The following MLLT3 variants were observed in gnomAD, a reference collection of about 807,000 sequenced individuals.
MLLT3 encodes the protein MLLT3 super elongation complex subunit, also known as protein AF-9.
In MLLT3, 4 loss-of-function variants were observed where a neutral mutation model predicts 53.2. The ratio of observed to expected loss-of-function variants is 0.08; its 90% confidence interval spans 0.04 to 0.17. The LOEUF is 0.17. Among genes scored for constraint, MLLT3 ranks in the 10% least tolerant of loss-of-function variants. The probability of loss-of-function intolerance (pLI) is 1.00; values close to 1 mark genes in which losing one functional copy is unlikely to be tolerated. For missense variants in MLLT3, 569 were observed against 684.0 expected, an observed-to-expected ratio of 0.83 and a Z score of 1.87; for synonymous variants, 283 against 230.6, an observed-to-expected ratio of 1.23 and a Z score of -2.06.
intron 5 of MLLT3, among the ~76,000 whole-genome samples, chr9:20,408,181 G>C (rs908825190): frequency 6.6e-6 from 1 of 151,986 alleles, no homozygotes; most frequent in Admixed American, 6.5e-5. Flanking sequence ...TGCTACCCAA[G>C]GGCTTCTAAG....
At chr9:20,552,739 CTTAGAT>C (rs1238012516) in intron 2 of MLLT3, among the ~76,000 whole-genome samples, 1 of 152,030 alleles carries the variant, frequency 6.6e-6, no homozygotes, top group Non-Finnish European at 1.5e-5. Flanking sequence ...CCAAATAAAC[CTTAGAT>C]TTACTTAGGA....
intron 10 of MLLT3, among the ~76,000 whole-genome samples, chr9:20,350,456 G>T (rs914483663): frequency 2.0e-5 from 3 of 151,526 alleles, no homozygotes; most frequent in African/African-American, 4.9e-5. Context: ...TTAGCCGGGC[G>T]TGGTGGCGGG....
intron 2 of MLLT3, among the ~76,000 whole-genome samples, chr9:20,608,925 T>C (rs569045272): frequency 6.6e-6 from 1 of 152,088 alleles, no homozygotes; most frequent in Admixed American, 6.5e-5. Flanking sequence ...TTCCCATCTT[T>C]TCAGTGATGT....
At chr9:20,500,500 G>A (rs1262353518) in intron 2 of MLLT3, among the ~76,000 whole-genome samples, 1 of 152,176 alleles carries the variant, frequency 6.6e-6, no homozygotes, top group Admixed American at 6.5e-5. Flanking sequence ...GACAGAAGTA[G>A]CAAAATCAAC....
At chr9:20,555,127 C>T (rs1328440213) in intron 2 of MLLT3, among the ~76,000 whole-genome samples, 2 of 152,170 alleles carry the variant, frequency 1.3e-5, no homozygotes, top group South Asian at 2.1e-4. Context: ...TCATCCCCTT[C>T]CCCAGGGTGG....
intron 7 of MLLT3, among the ~76,000 whole-genome samples, chr9:20,361,316 T>G (rs1821316128): frequency 6.6e-6 from 1 of 152,130 alleles, no homozygotes; most frequent in African/African-American, 2.4e-5. Flanking sequence ...TCCTCCTCCC[T>G]CTCTGTTACA....
chr9:20,582,888 C>T (rs1283005716), intron 2 of MLLT3, among the ~76,000 whole-genome samples: 4 of 152,142 alleles, frequency 2.6e-5, no homozygotes, highest in African/African-American at 9.7e-5. Flanking sequence ...CACAGTCAAA[C>T]TATATCATTC....
chr9:20,587,641 T>A (rs1215450670), intron 2 of MLLT3, among the ~76,000 whole-genome samples: 1 of 152,232 alleles, frequency 6.6e-6, no homozygotes, highest in Non-Finnish European at 1.5e-5. Flanking sequence ...AATGTCTTCT[T>A]TTGAGAAGTG....
intron 2 of MLLT3, among the ~76,000 whole-genome samples, chr9:20,599,795 A>G (rs1390969232): frequency 6.6e-6 from 1 of 152,208 alleles, no homozygotes; most frequent in Non-Finnish European, 1.5e-5. Flanking sequence ...GCAAAACAGG[A>G]CATAGAGTCA....
rs71334526 is a variant in MLLT3 at position 20,343,183 on chromosome 9, CAAAAAAAAAA to C, written c.*3250_*3259del. On this transcript the variant is annotated 3_prime_UTR_variant, in exon 11 of 11. Coordinates refer to ENST00000380338, the MANE Select transcript of MLLT3 (RefSeq NM_004529.4). ...TAGGTGGGCCTGTAAAAGATATCGGCAAAAAAAAAAAAAAAAAAAAAAAAAAAAAAATTTT... is the reference window on the plus strand; with the variant it reads ...TAGGTGGGCCTGTAAAAGATATCGGCAAAAAAAAAAAAAAAAAAAAATTTT... 0.25 allele frequency: 10,345 copies of C among 40,672 alleles called. 656 individuals are homozygous for C. Among genetic ancestry groups the C allele is most frequent in the South Asian group, 0.37 (314 of 842 alleles). 2.5% of individuals were successfully genotyped at this position (40,672 alleles called of 1,614,324 possible).
At chr9:20,350,351 T>C (rs561436091) in intron 10 of MLLT3, among the ~76,000 whole-genome samples, 23 of 152,018 alleles carry the variant, frequency 1.5e-4, no homozygotes, top group Non-Finnish European at 2.8e-4. Flanking sequence ...ATCCCAGCAC[T>C]TTGGGAGGCC....
intron 5 of MLLT3, among the ~76,000 whole-genome samples, chr9:20,409,394 G>T (rs937744989): frequency 6.6e-6 from 1 of 152,156 alleles, no homozygotes; most frequent in African/African-American, 2.4e-5. Flanking sequence ...AATTACAGAA[G>T]AGGTGAAAGA....
chr9:20,581,481 A>C (rs1819791650), intron 2 of MLLT3, among the ~76,000 whole-genome samples: 1 of 152,208 alleles, frequency 6.6e-6, no homozygotes, highest in African/African-American at 2.4e-5. Context: ...CTTAAAGGGC[A>C]ACGTAAATAA....
At chr9:20,594,827 T>C (rs561576280) in intron 2 of MLLT3, among the ~76,000 whole-genome samples, 81 of 152,298 alleles carry the variant, frequency 5.3e-4, no homozygotes, top group African/African-American at 1.9e-3. Context: ...GCCACAGCAA[T>C]GTCAGGAAGT....
chr9:20,399,213 A>C (rs898077517), intron 5 of MLLT3, among the ~76,000 whole-genome samples: 5 of 152,202 alleles, frequency 3.3e-5, no homozygotes, highest in African/African-American at 1.2e-4. Context: ...TAAAGAAGAC[A>C]GACCAAAAAT....
chr9:20,377,164 C>G (rs1821787856), intron 5 of MLLT3, among the ~76,000 whole-genome samples: 1 of 152,080 alleles, frequency 6.6e-6, no homozygotes, highest in South Asian at 2.1e-4. Flanking sequence ...AGAACTGGCC[C>G]ATAATTAAGT....
At chr9:20,529,055 G>A (rs543764285) in intron 2 of MLLT3, among the ~76,000 whole-genome samples, 11 of 152,154 alleles carry the variant, frequency 7.2e-5, no homozygotes, top group Non-Finnish European at 1.5e-4. Context: ...TGAGAGCCTG[G>A]ATCAGGGTTA....
At chr9:20,572,477 T>A (rs1819553229) in intron 2 of MLLT3, among the ~76,000 whole-genome samples, 1 of 152,160 alleles carries the variant, frequency 6.6e-6, no homozygotes, top group Non-Finnish European at 1.5e-5. Flanking sequence ...AAATATATAG[T>A]TTGTTATTTA....
chr9:20,353,451 T>A, intron 10 of MLLT3, 74 bp downstream of exon 10: 2 of 1,230,350 alleles, frequency 1.6e-6, no homozygotes, highest in Non-Finnish European at 2.4e-6. Context: ...GGCCTCCAGG[T>A]GCTATCACAC....
Sources: allele counts gnomAD v4.1 joint callset (sites outside exome capture counted in the v4.1 genomes callset), GRCh38; gene constraint gnomAD v4.1.1; transcripts MANE v1.5; gene names NCBI Gene and HGNC (gene_info 2026-07-23, HGNC 2026-07-21).